Variants in ATG12 observed in about 807,000 individuals in gnomAD.
ATG12 encodes the protein autophagy related 12.
In ATG12, 19 loss-of-function variants were observed where a neutral mutation model predicts 17.6. The ratio of observed to expected loss-of-function variants is 1.08; its 90% CI spans 0.75 to 1.58. ATG12 has a LOEUF of 1.58. Ranked by LOEUF, ATG12 falls within the 40% of genes most tolerant of loss-of-function variation. The pLI is 0.00. For missense variants in ATG12, 214 were observed against 162.0 expected (o/e 1.32, Z -1.74); for synonymous variants, 75 against 62.4 (o/e 1.20, Z -0.95).
intron 1 of ATG12, 67 bp from the exon 2 acceptor site, chr5:115,837,831 G>C: frequency 7.6e-7 from 1 of 1,319,898 alleles, no homozygotes; most frequent in East Asian, 2.6e-5. Flanking sequence ...GAATATAAAA[G>C]ACTTAGAAAT....
In ATG12 at chr5:115,840,296, C is replaced by CTTT. The variant is rs544937852; in HGVS notation, c.163+1091_163+1093dup. On this transcript the variant is annotated intron_variant, in intron 1 of 3. Transcript: ENST00000509910. ...GAAGAAAAAGCAATGAGACCAATGT[C>CTTT]TTTTTTTTTTTTTTTTTTGAGGCGG... 3.2e-3 allele frequency among the ~76,000 whole-genome samples: 426 copies of CTTT among 135,064 alleles called. 1 individual carries two copies. Among genetic ancestry groups the CTTT allele is most frequent in the South Asian group, 4.1e-3 (17 of 4,170 alleles). The allele number at this position is 135,064 out of a possible 152,430, so 88.6% of individuals were successfully genotyped here. A position where few individuals can be genotyped will look rare whatever the true frequency, so the allele number is the denominator to read the frequency against.
chr5:115,831,544 C>A lies in ATG12; in HGVS notation c.*260G>T. 6 of 536,258 alleles carry A rather than the reference C, an allele frequency of 1.1e-5. No homozygotes were observed. Among genetic ancestry groups the A allele is most frequent in the East Asian group, 3.2e-5 (1 of 30,770 alleles). The allele number at this position is 536,258 out of a possible 1,614,324, so 33.2% of individuals were successfully genotyped here. A position where few individuals can be genotyped will look rare whatever the true frequency, so the allele number is the denominator to read the frequency against. On this transcript the variant is annotated 3_prime_UTR_variant, in exon 4 of 4. Coordinates refer to ENST00000509910, the MANE Select transcript of ATG12 (RefSeq NM_004707.4). ...CTCCTTTTCAACCTTGGAGGCAGAT[C>A]TGCAGCAATAATAGTAACAAGTAGG...
intron 1 of ATG12, chr5:115,841,009 C>T (rs1249262136): frequency 1.6e-6 from 1 of 623,328 alleles, no homozygotes; most frequent in Non-Finnish European, 2.6e-6. Context: ...CCAATGACCA[C>T]CCCTACCACC....
chr5:115,833,669 T>C (rs761946175), intron 2 of ATG12: 3 of 152,240 alleles, frequency 2.0e-5, no homozygotes, highest in Non-Finnish European at 2.9e-5. Flanking sequence ...ATAGACGTTA[T>C]TGTTAAATTA....
chr5:115,840,794 G>C, intron 1 of ATG12: 1 of 1,198,194 alleles, frequency 8.3e-7, no homozygotes, highest in Non-Finnish European at 1.1e-6. Context: ...GAGGATAGCT[G>C]ACTCAAGCAA....
At chr5:115,840,654 C>G (rs1465445061) in intron 1 of ATG12, 1 of 1,236,474 alleles carries the variant, frequency 8.1e-7, no homozygotes, top group African/African-American at 1.6e-5. Context: ...CGAAATCAGC[C>G]TCTCTGAATC....
Position 115,841,511 on chromosome 5 carries a change from T to A in ATG12, c.42A>T (p.Ser14=), listed in dbSNP as rs750402145. ...EPQSVLQLPT[S]IAAGGEGLTD... ...TAAGTCCTTCCCCTCCAGCAGCAAT[T>A]GAAGTAGGAAGCTGCAACACAGACT... The change falls in exon 1 of 4, where the codon TCA becomes TCT. Residue 14 remains serine, a synonymous_variant. Transcript: ENST00000509910. The A allele has an allele frequency of 1.9e-6, 3 of 1,612,284 alleles. No individual in the cohort carries two copies. The highest frequency in any genetic ancestry group is 2.5e-6 in the Non-Finnish European group (3 of 1,179,382).
chr5:115,832,419 A>G (rs984333432), intron 3 of ATG12, among the ~76,000 whole-genome samples, 183 bp downstream of exon 3: 5 of 152,048 alleles, frequency 3.3e-5, no homozygotes, highest in African/African-American at 1.2e-4. Context: ...AAGATGTTAG[A>G]TAACAGAACA....
intron 2 of ATG12, among the ~76,000 whole-genome samples, chr5:115,835,882 T>A (rs1761076181): frequency 6.6e-6 from 1 of 152,148 alleles, no homozygotes; most frequent in Non-Finnish European, 1.5e-5. Context: ...CTCATGGGGA[T>A]ACCTTATCAC....
At chr5:115,840,829 A>C (rs1761386127) in intron 1 of ATG12, 2 of 1,243,112 alleles carry the variant, frequency 1.6e-6, no homozygotes, top group Non-Finnish European at 2.1e-6. Flanking sequence ...AAGGTTCCAA[A>C]ATGTGTTTCT....
chr5:115,840,630 A>T, intron 1 of ATG12: 1 of 1,264,222 alleles, frequency 7.9e-7, no homozygotes, highest in South Asian at 1.3e-5. Context: ...CAGAACGGGG[A>T]AAACGTCTAA....
chr5:115,833,442 C>T (rs919843962), intron 2 of ATG12: 2 of 151,850 alleles, frequency 1.3e-5, no homozygotes, highest in African/African-American at 4.8e-5. Flanking sequence ...AACCATGAAC[C>T]ATCAATATTG....
Position 115,840,660 on chromosome 5 carries a change from G to C in ATG12, c.163+730C>G, listed in dbSNP as rs535671244. On this transcript the variant is annotated intron_variant, in intron 1 of 3. Transcript: ENST00000509910. ...GTCTAAGGACGAAATCAGCCTCTCT[G>C]AATCGAGGATGCTTATATGCTGCTT... 5 of 1,232,348 alleles carry C rather than the reference G, an allele frequency of 4.1e-6. No homozygotes were observed. In the African/African-American group the frequency reaches 4.7e-5, roughly 12 times the overall value. 76.3% of individuals were successfully genotyped at this position (1,232,348 alleles called of 1,614,324 possible).
intron 2 of ATG12, 96 bp downstream of exon 2, chr5:115,837,532 T>C (rs1165805081): frequency 2.4e-6 from 3 of 1,258,604 alleles, no homozygotes; most frequent in East Asian, 4.7e-5. Flanking sequence ...GCGACATATG[T>C]GGCTCCATAT....
At chr5:115,832,359 T>C (rs1406937101) in intron 3 of ATG12, among the ~76,000 whole-genome samples, 11 of 152,086 alleles carry the variant, frequency 7.2e-5, no homozygotes, top group Non-Finnish European at 1.5e-4. Flanking sequence ...ATGTAATTTA[T>C]TCCTTGGTTC....
chr5:115,840,232 A>C (rs1761310271), intron 1 of ATG12, among the ~76,000 whole-genome samples: 1 of 152,144 alleles, frequency 6.6e-6, no homozygotes, highest in African/African-American at 2.4e-5. Flanking sequence ...GAAGGGGGGC[A>C]GTCTTGGGAG....
intron 2 of ATG12, chr5:115,833,732 T>C (rs1760981354): frequency 6.6e-6 from 1 of 152,192 alleles, no homozygotes; most frequent in South Asian, 2.1e-4. Flanking sequence ...CTGAGTAGAG[T>C]TCTGGCACAA....
intron 1 of ATG12, chr5:115,838,137 A>G (rs1026238325): frequency 6.1e-6 from 1 of 164,206 alleles, no homozygotes; most frequent in Non-Finnish European, 1.3e-5. Flanking sequence ...AGATGATACT[A>G]CTTTTGAGAA....
At chr5:115,831,993 T>A in intron 3 of ATG12, 130 bp from the exon 4 acceptor site, 1 of 810,522 alleles carries the variant, frequency 1.2e-6, no homozygotes, top group Non-Finnish European at 1.9e-6. Flanking sequence ...ACAGGCTATC[T>A]CTTTCAAAGG....
Sources: allele counts gnomAD v4.1 joint callset (sites outside exome capture counted in the v4.1 genomes callset), GRCh38; gene constraint gnomAD v4.1.1; transcripts MANE v1.5; gene names NCBI Gene and HGNC (gene_info 2026-07-23, HGNC 2026-07-21).